Variants in MSRA observed in about 807,000 individuals in gnomAD.
MSRA encodes mitochondrial peptide methionine sulfoxide reductase.
In MSRA, 54 loss-of-function variants were observed where a neutral mutation model predicts 31.3. The observed-to-expected ratio is 1.73, with a 90% CI of 1.39 to 2.17. MSRA has a LOEUF of 2.17. Ranked by LOEUF, MSRA falls within the 30% of genes most tolerant of loss-of-function variation. The pLI is 0.00. For synonymous variants in MSRA, 169 were observed against 116.5 expected, an observed-to-expected ratio of 1.45 and a Z score of -2.90; for missense variants, 507 against 300.9, an observed-to-expected ratio of 1.69 and a Z score of -5.07.
intron 1 of MSRA, among the ~76,000 whole-genome samples, chr8:10,179,529 T>C (rs1585105085): frequency 6.6e-6 from 1 of 152,248 alleles, no homozygotes; most frequent in Admixed American, 6.5e-5. Flanking sequence ...ATGGTGTATA[T>C]ATTTTTGTGG....
At chr8:10,351,993 T>G (rs576927949) in intron 5 of MSRA, among the ~76,000 whole-genome samples, 1 of 152,256 alleles carries the variant, frequency 6.6e-6, no homozygotes, top group African/African-American at 2.4e-5. Flanking sequence ...TAGAAAGTTA[T>G]GACTTTAATG....
At chr8:10,207,615 C>T (rs900576086) in intron 1 of MSRA, among the ~76,000 whole-genome samples, 4 of 152,114 alleles carry the variant, frequency 2.6e-5, no homozygotes, top group Admixed American at 6.5e-5. Context: ...CAGACCTCAG[C>T]CTACTCATTT....
chr8:10,356,978 G>C (rs979134519), intron 5 of MSRA, among the ~76,000 whole-genome samples: 1 of 150,672 alleles, frequency 6.6e-6, no homozygotes, highest in African/African-American at 2.4e-5. Context: ...TTTCCTGTGG[G>C]TTTTTAATCT....
intron 5 of MSRA, among the ~76,000 whole-genome samples, chr8:10,349,557 G>A (rs6601442): frequency 0.93 from 141,756 of 152,244 alleles, 66,280 homozygotes; most frequent in East Asian, 1. Flanking sequence ...GACCTTGAAC[G>A]TCCCTTGAGC....
intron 1 of MSRA, among the ~76,000 whole-genome samples, chr8:10,147,688 A>G (rs1291772490): frequency 6.6e-6 from 1 of 152,138 alleles, no homozygotes; most frequent in Non-Finnish European, 1.5e-5. Flanking sequence ...CTGCATGGAA[A>G]GGCTGTAACG....
At chr8:10,054,705 C>T (rs1238603290) in intron 1 of MSRA, 47 bp downstream of exon 1, 1 of 1,446,902 alleles carries the variant, frequency 6.9e-7, no homozygotes, top group South Asian at 1.4e-5. Context: ...GCTGCGCATG[C>T]GCGCCTTTGC....
At chr8:10,362,613 C>G (rs1024836036) in intron 5 of MSRA, among the ~76,000 whole-genome samples, 2 of 152,014 alleles carry the variant, frequency 1.3e-5, no homozygotes, top group Admixed American at 6.6e-5. Context: ...AGCAGTCCCC[C>G]TAGAGTCCAG....
intron 2 of MSRA, among the ~76,000 whole-genome samples, chr8:10,240,579 C>T (rs779203746): frequency 1.3e-5 from 2 of 152,154 alleles, no homozygotes; most frequent in African/African-American, 4.8e-5. Flanking sequence ...TCTCTCTACC[C>T]CAGATTTCCT....
intron 5 of MSRA, among the ~76,000 whole-genome samples, chr8:10,346,483 C>T (rs767557313): frequency 6.6e-6 from 1 of 152,156 alleles, no homozygotes; most frequent in African/African-American, 2.4e-5. Flanking sequence ...TGGAAATAAA[C>T]GAAGACCACC....
intron 3 of MSRA, among the ~76,000 whole-genome samples, chr8:10,253,781 A>G (rs1798036014): frequency 6.6e-6 from 1 of 152,136 alleles, no homozygotes. Flanking sequence ...CAGGAATTTT[A>G]TGGGATATGC....
intron 3 of MSRA, among the ~76,000 whole-genome samples, chr8:10,256,489 A>G (rs1479696092): frequency 6.6e-6 from 1 of 152,148 alleles, no homozygotes; most frequent in Non-Finnish European, 1.5e-5. Flanking sequence ...GGAGTGGGGG[A>G]GGCCTGGAGG....
chr8:10,138,760 A>G (rs574952008), intron 1 of MSRA, among the ~76,000 whole-genome samples: 28 of 152,380 alleles, frequency 1.8e-4, no homozygotes, highest in Middle Eastern at 3.4e-3. Flanking sequence ...AGCCACTTGC[A>G]AAACCACTCC....
intron 1 of MSRA, among the ~76,000 whole-genome samples, chr8:10,176,626 C>G (rs535491981): frequency 8.8e-4 from 134 of 152,338 alleles, no homozygotes; most frequent in Non-Finnish European, 1.3e-3. Context: ...TCTTCTTTCC[C>G]CTTTTCGTGT....
intron 1 of MSRA, among the ~76,000 whole-genome samples, chr8:10,072,482 A>G (rs1055415540): frequency 1.1e-4 from 17 of 152,128 alleles, no homozygotes; most frequent in Middle Eastern, 3.4e-3. Context: ...CCTCTGTGAC[A>G]TTGTCATGCT....
intron 1 of MSRA, among the ~76,000 whole-genome samples, chr8:10,065,550 C>T (rs1797413971): frequency 6.6e-6 from 1 of 152,314 alleles, no homozygotes; most frequent in African/African-American, 2.4e-5. Context: ...CTGACTTAAG[C>T]TATGTGAATT....
intron 5 of MSRA, among the ~76,000 whole-genome samples, chr8:10,328,676 A>G (rs962056525): frequency 1.3e-5 from 2 of 152,182 alleles, no homozygotes; most frequent in Admixed American, 6.5e-5. Context: ...CCCATGAGAC[A>G]TCTGTAACTT....
chr8:10,150,409 A>G (rs1803559874), intron 1 of MSRA, among the ~76,000 whole-genome samples: 1 of 152,186 alleles, frequency 6.6e-6, no homozygotes, highest in Non-Finnish European at 1.5e-5. Context: ...CATTATATTA[A>G]TTATCTATTC....
At chr8:10,096,286 C>A (rs899875163) in intron 1 of MSRA, 6 of 1,141,120 alleles carry the variant, frequency 5.3e-6, no homozygotes, top group Non-Finnish European at 6.5e-6. Context: ...AAGCTGAAGA[C>A]ACCAGACTTC....
chr8:10,308,162 T>C (rs887230710), intron 4 of MSRA, among the ~76,000 whole-genome samples: 3 of 152,232 alleles, frequency 2.0e-5, no homozygotes, highest in African/African-American at 7.2e-5. Flanking sequence ...TTTAAAGTAC[T>C]GCTATTGTGG....
Sources: allele counts gnomAD v4.1 joint callset (sites outside exome capture counted in the v4.1 genomes callset), GRCh38; gene constraint gnomAD v4.1.1; transcripts MANE v1.5; gene names NCBI Gene and HGNC (gene_info 2026-07-23, HGNC 2026-07-21).